The following RIN3 variants were observed in gnomAD, a reference collection of about 807,000 sequenced individuals.
RIN3 encodes Ras and Rab interactor 3, also known as RAB5 interacting protein 3.
A neutral mutation model predicts 76.3 loss-of-function variants in RIN3; 54 were observed. The ratio of observed to expected loss-of-function variants is 0.71; its 90% confidence interval spans 0.57 to 0.89. The LOEUF is 0.89. RIN3 is among the 40% of genes least tolerant of loss of function. The pLI, the probability that RIN3 is intolerant of heterozygous loss-of-function variation, is 0.00. For missense variants in RIN3, 1,256 were observed against 1,322.1 expected (o/e 0.95, Z 0.78); for synonymous variants, 576 against 564.0 (o/e 1.02, Z -0.30).
Position 92,659,474 on chromosome 14 carries a change from G to C in RIN3, c.2335+5G>C. ...CCATGGCCCTCGGCAACCCAGGTCA[G>C]TGGGCAGCCGGGAGGGGTCTGGGTG... On this transcript the variant is annotated splice_donor_5th_base_variant and intron_variant, in intron 7 of 9. Transcript: ENST00000216487. 1 of 1,590,044 alleles carries C rather than the reference G, an allele frequency of 6.3e-7. No individual in the cohort carries two copies. The highest frequency in any genetic ancestry group is 8.6e-7 in the Non-Finnish European group (1 of 1,168,644).
At chr14:92,618,978 G>A (rs1025645453) in intron 4 of RIN3, among the ~76,000 whole-genome samples, 1 of 152,128 alleles carries the variant, frequency 6.6e-6, no homozygotes, top group African/African-American at 2.4e-5. Flanking sequence ...TAGGTACATA[G>A]CACTGAGAAG....
intron 4 of RIN3, among the ~76,000 whole-genome samples, chr14:92,617,612 T>G (rs903889965): frequency 1.3e-5 from 2 of 152,198 alleles, no homozygotes; most frequent in Non-Finnish European, 2.9e-5. Context: ...CTATGACTAT[T>G]GGGAGGATAA....
intron 2 of RIN3, among the ~76,000 whole-genome samples, chr14:92,564,913 T>A (rs1470179559): frequency 1.3e-5 from 2 of 152,150 alleles, no homozygotes; most frequent in Non-Finnish European, 2.9e-5. Context: ...ACACTGGGCC[T>A]AGGAAGCTTT....
At chr14:92,664,583 G>A (rs1033879613) in intron 7 of RIN3, among the ~76,000 whole-genome samples, 7 of 151,752 alleles carry the variant, frequency 4.6e-5, no homozygotes, top group Non-Finnish European at 7.4e-5. Context: ...TGTTGCCCAG[G>A]ATGGTCTCGA....
intron 1 of RIN3, among the ~76,000 whole-genome samples, chr14:92,538,963 C>A (rs1476922047): frequency 6.6e-6 from 1 of 152,016 alleles, no homozygotes; most frequent in Admixed American, 6.5e-5. Flanking sequence ...ACCCTGTCCC[C>A]CAGCCTCCCA....
intron 4 of RIN3, among the ~76,000 whole-genome samples, chr14:92,633,546 G>A (rs1410052099): frequency 6.6e-6 from 1 of 152,202 alleles, no homozygotes; most frequent in Non-Finnish European, 1.5e-5. Flanking sequence ...TCAGAAGCCG[G>A]CTGGTGGCCT....
At chr14:92,565,931 G>C (rs1897904692) in intron 2 of RIN3, among the ~76,000 whole-genome samples, 1 of 152,194 alleles carries the variant, frequency 6.6e-6, no homozygotes, top group Non-Finnish European at 1.5e-5. Context: ...AGCTGCTCTT[G>C]AGCTGTAAGA....
intron 7 of RIN3, among the ~76,000 whole-genome samples, chr14:92,668,265 C>A (rs34731821): frequency 6.6e-6 from 1 of 152,178 alleles, no homozygotes; most frequent in Non-Finnish European, 1.5e-5. Flanking sequence ...GCCCTCTGGC[C>A]TCTCCAGCCT....
chr14:92,652,982 C>A lies in RIN3; in HGVS notation c.1933C>A (p.Arg645Ser). The stretch of plus-strand genomic sequence containing the variant: ...CAGCACGGAGATGCTGCAGGAGATT[C>A]GCACCATGATGACCCAGCTCAAGAG... Reference protein sequence around the residue: ...TSSTEMLQEIRTMMTQLKSYL... With the variant: ...TSSTEMLQEISTMMTQLKSYL... Residue 645 changes from arginine (R) to serine (S), a missense_variant, in exon 6 of 10, where the codon CGC (arginine) becomes AGC (serine). Transcript: ENST00000216487. This position sits in a 1 kb window ranked among gnomAD's most constrained non-coding sequence, Gnocchi z 6.4. The A allele has an allele frequency of 6.2e-7, 1 of 1,613,400 alleles. No homozygotes were observed. The highest frequency in any genetic ancestry group is 8.5e-7 in the Non-Finnish European group (1 of 1,180,026).
intron 1 of RIN3, chr14:92,515,262 C>G (rs55930890): frequency 0.27 from 188,663 of 697,950 alleles, 27,298 homozygotes; most frequent in Non-Finnish European, 0.31. Flanking sequence ...TGGGGAAGAG[C>G]CCCCCAACCC....
chr14:92,567,364 T>C (rs1897941969), intron 2 of RIN3, among the ~76,000 whole-genome samples: 1 of 152,192 alleles, frequency 6.6e-6, no homozygotes, highest in African/African-American at 2.4e-5. Flanking sequence ...TTGGGCTGGG[T>C]TCAGCTGAGT....
At chr14:92,605,876 T>C (rs1200869143) in intron 3 of RIN3, among the ~76,000 whole-genome samples, 1 of 152,168 alleles carries the variant, frequency 6.6e-6, no homozygotes, top group Non-Finnish European at 1.5e-5. Flanking sequence ...AGAGAAGAAT[T>C]GACCGTTAAT....
chr14:92,558,466 C>T (rs373714457), intron 2 of RIN3, among the ~76,000 whole-genome samples: 101 of 152,332 alleles, frequency 6.6e-4, no homozygotes, highest in African/African-American at 1.2e-3. Context: ...TTGCAATCAT[C>T]CTGTGAGGTC....
chr14:92,562,506 G>GT (rs1897804634), intron 2 of RIN3, among the ~76,000 whole-genome samples: 1 of 152,124 alleles, frequency 6.6e-6, no homozygotes, highest in African/African-American at 2.4e-5. Context: ...CCATCTATTT[G>GT]TTAAGCCATT....
intron 5 of RIN3, among the ~76,000 whole-genome samples, chr14:92,645,693 C>T (rs973068709): frequency 2.0e-5 from 3 of 152,218 alleles, no homozygotes; most frequent in Admixed American, 6.5e-5. Context: ...CAGTGGCTCA[C>T]GCCTGTAATC....
At chr14:92,678,078 CCACCCATCCATT>C (rs1369839588) in intron 8 of RIN3, among the ~76,000 whole-genome samples, 1 of 151,542 alleles carries the variant, frequency 6.6e-6, no homozygotes, top group African/African-American at 2.4e-5. Flanking sequence ...ATTAACCCAT[CCACCCATCCATT>C]CACCCATCCA....
Position 92,608,435 on chromosome 14 carries a change from G to A in RIN3, c.368-6972G>A, listed in dbSNP as rs79811544. On this transcript the variant is annotated intron_variant, in intron 3 of 9. Transcript: ENST00000216487. The stretch of plus-strand genomic sequence containing the variant: ...CAATGTACCAACCACCATGGTATAT[G>A]CTGGGGGTTCTGTGCAAAACAGAAG... 3.6e-4 allele frequency among the ~76,000 whole-genome samples: 55 copies of A among 152,320 alleles called. 1 individual carries two copies. The East Asian group carries it at 9.6e-3, about 27-fold the overall frequency.
At chr14:92,616,492 T>C (rs1409488774) in intron 4 of RIN3, among the ~76,000 whole-genome samples, 1 of 152,228 alleles carries the variant, frequency 6.6e-6, no homozygotes, top group East Asian at 1.9e-4. Flanking sequence ...CAGCCTTATG[T>C]TCCCTGCCTC....
At chr14:92,679,780 T>G (rs1051706792) in intron 8 of RIN3, among the ~76,000 whole-genome samples, 14 of 152,104 alleles carry the variant, frequency 9.2e-5, no homozygotes, top group African/African-American at 3.4e-4. Flanking sequence ...CTTGGGAACT[T>G]AAGTTGCTAG....
Sources: gnomAD v4.1 joint callset for allele counts (sites outside exome capture counted in the v4.1 genomes callset) on GRCh38, gnomAD v4.1.1 for gene constraint, Gnocchi (gnomAD v3.1) non-coding constraint, MANE v1.5 for transcripts, NCBI Gene and HGNC (gene_info 2026-07-23, HGNC 2026-07-21) for gene names.